SLC24A2: variants seen among roughly 807,000 people sequenced by gnomAD.
The protein encoded by SLC24A2 is solute carrier family 24 member 2.
In SLC24A2, 36 loss-of-function variants were observed where a neutral mutation model predicts 62.0. The ratio of observed to expected loss-of-function variants is 0.58; its 90% confidence interval spans 0.44 to 0.77. The LOEUF (loss-of-function observed/expected upper bound fraction) is 0.77. Ranked by LOEUF, SLC24A2 falls within the 30% of genes least tolerant of loss-of-function variation. SLC24A2 has a pLI of 0.00. For synonymous variants in SLC24A2, 358 were observed against 294.0 expected, an observed-to-expected ratio of 1.22 and a Z score of -2.23; for missense variants, 846 against 817.9, an observed-to-expected ratio of 1.03 and a Z score of -0.42.
chr9:20,075,858 G>A, the SLC24A2 span, among the ~76,000 whole-genome samples: 1 of 152,126 alleles, frequency 6.6e-6, no homozygotes, highest in Non-Finnish European at 1.5e-5. Context: ...ATGAGGAATT[G>A]GTTCCAGGAC....
the SLC24A2 span, among the ~76,000 whole-genome samples, chr9:19,922,655 G>A: frequency 6.6e-6 from 1 of 152,148 alleles, no homozygotes; most frequent in Non-Finnish European, 1.5e-5. Flanking sequence ...AACAGTCACT[G>A]TAAATCACAG....
the SLC24A2 span, among the ~76,000 whole-genome samples, chr9:20,051,651 C>CTCTTTTTTTTTTTTTTTT: frequency 1.6e-5 from 1 of 63,660 alleles, no homozygotes; most frequent in African/African-American, 6.6e-5. Flanking sequence ...GAGGTTTTTT[C>CTCTTTTTTTTTTTTTTTT]TTTCTCTTTT....
At chr9:19,933,523 G>T in the SLC24A2 span, among the ~76,000 whole-genome samples, 2 of 152,038 alleles carry the variant, frequency 1.3e-5, no homozygotes. Context: ...ACTTGTCAAA[G>T]AACGCGCCGG....
intron 2 of SLC24A2, among the ~76,000 whole-genome samples, chr9:19,660,375 G>A (rs1819061163): frequency 6.6e-6 from 1 of 152,038 alleles, no homozygotes; most frequent in Non-Finnish European, 1.5e-5. Flanking sequence ...TCTTTTAACG[G>A]GCACCACAGG....
intron 2 of SLC24A2, among the ~76,000 whole-genome samples, chr9:19,732,660 C>A (rs1047183155): frequency 2.0e-5 from 3 of 152,080 alleles, no homozygotes; most frequent in African/African-American, 7.2e-5. Flanking sequence ...AGCTACCTCT[C>A]CCCCGTGTCT....
chr9:19,827,918 T>C, the SLC24A2 span, among the ~76,000 whole-genome samples: 2 of 152,178 alleles, frequency 1.3e-5, no homozygotes, highest in South Asian at 2.1e-4. Context: ...CCCTTTCTTC[T>C]CCTGAAAATT....
Position 19,509,648 on chromosome 9 carries a change from C to T in SLC24A2, c.*6505G>A, listed in dbSNP as rs1006396456. On this transcript the variant is annotated 3_prime_UTR_variant, in exon 11 of 11. Coordinates refer to ENST00000341998, the MANE Select transcript of SLC24A2 (RefSeq NM_020344.4). ...TAATTAAATGGCAAGAAGTTATCTA[C>T]CCTTAATTTATGCATGTAATTTCAT... is the stretch of plus-strand genomic sequence containing the variant. 2.6e-5 allele frequency: 4 copies of T among 152,106 alleles called. No individual in the cohort carries two copies. Among genetic ancestry groups the T allele is most frequent in the Admixed American group, 6.6e-5 (1 of 15,262 alleles). The allele number at this position is 152,106 out of a possible 1,614,324, so 9.4% of individuals were successfully genotyped here. A position where few individuals can be genotyped will look rare whatever the true frequency, so the allele number is the denominator to read the frequency against.
chr9:20,303,868 G>A, the SLC24A2 span, among the ~76,000 whole-genome samples: 2 of 152,254 alleles, frequency 1.3e-5, no homozygotes, highest in African/African-American at 2.4e-5. Context: ...TGCAGACAGG[G>A]CAGGGGGCTC....
chr9:20,303,426 A>T, the SLC24A2 span, among the ~76,000 whole-genome samples: 1 of 152,192 alleles, frequency 6.6e-6, no homozygotes, highest in African/African-American at 2.4e-5. Context: ...TCCCTTTGAT[A>T]ATCAACAAAT....
chr9:19,992,108 TATC>T, the SLC24A2 span, among the ~76,000 whole-genome samples: 1 of 152,232 alleles, frequency 6.6e-6, no homozygotes, highest in Admixed American at 6.5e-5. Flanking sequence ...AGGGGCATGT[TATC>T]ATACATGATT....
chr9:20,048,874 G>C, the SLC24A2 span, among the ~76,000 whole-genome samples: 2 of 149,090 alleles, frequency 1.3e-5, no homozygotes, highest in African/African-American at 5.0e-5. Flanking sequence ...TTAACTATTA[G>C]TATTTTTTTT....
At chr9:19,951,676 A>G in the SLC24A2 span, among the ~76,000 whole-genome samples, 5 of 152,126 alleles carry the variant, frequency 3.3e-5, no homozygotes, top group Non-Finnish European at 2.9e-5. Flanking sequence ...TCTGAAGTCT[A>G]TTCTGTTCCA....
rs190410970 is a variant in SLC24A2 at position 19,595,245 on chromosome 9, C to T, written c.1129+1984G>A. The stretch of plus-strand genomic sequence containing the variant: ...TATTAAACTTAACTCAGAAGCTCTC[C>T]CACTTATTTATGGAATCAGCCTTGC... On this transcript the variant is annotated intron_variant, in intron 5 of 10. Coordinates refer to ENST00000341998, the MANE Select transcript of SLC24A2 (RefSeq NM_020344.4). Among the ~76,000 whole-genome samples the T allele has an allele frequency of 1.9e-3, 295 of 152,262 alleles. 3 individuals carry two copies. Among genetic ancestry groups the T allele is most frequent in the African/African-American group, 6.8e-3 (282 of 41,556 alleles).
At chr9:19,710,689 G>A (rs564263680) in intron 2 of SLC24A2, among the ~76,000 whole-genome samples, 1 of 152,272 alleles carries the variant, frequency 6.6e-6, no homozygotes, top group East Asian at 1.9e-4. Context: ...TCAGCCATGC[G>A]GAGGAAGTTT....
chr9:19,662,650 C>T (rs1282772780), intron 2 of SLC24A2, among the ~76,000 whole-genome samples: 1 of 152,156 alleles, frequency 6.6e-6, no homozygotes, highest in African/African-American at 2.4e-5. Context: ...ACCTGGAGTT[C>T]CATTGCAGGC....
the SLC24A2 span, chr9:19,895,859 A>T: frequency 1.2e-6 from 2 of 1,611,332 alleles, no homozygotes; most frequent in Non-Finnish European, 1.7e-6. Context: ...CCAGCAAAGA[A>T]GGGGTGCAGC....
chr9:19,852,943 C>T, the SLC24A2 span, among the ~76,000 whole-genome samples: 2 of 152,076 alleles, frequency 1.3e-5, no homozygotes, highest in African/African-American at 4.8e-5. Context: ...TCTTCCTATC[C>T]ATGAGCATGG....
the SLC24A2 span, among the ~76,000 whole-genome samples, chr9:20,248,228 G>C: frequency 1.3e-5 from 2 of 152,168 alleles, no homozygotes; most frequent in Non-Finnish European, 2.9e-5. Flanking sequence ...ACCCGTATGG[G>C]AGCTCCCACC....
At chr9:19,682,286 T>C (rs1819745463) in intron 2 of SLC24A2, among the ~76,000 whole-genome samples, 1 of 152,148 alleles carries the variant, frequency 6.6e-6, no homozygotes, top group Admixed American at 6.6e-5. Flanking sequence ...TGAATGTTTG[T>C]TTTGGTGCTG....
Sources: gnomAD v4.1 joint callset for allele counts (sites outside exome capture counted in the v4.1 genomes callset) on GRCh38, gnomAD v4.1.1 for gene constraint, MANE v1.5 for transcripts, NCBI Gene and HGNC (gene_info 2026-07-23, HGNC 2026-07-21) for gene names.